PARPBP: variants seen among roughly 807,000 people sequenced by gnomAD.
The protein encoded by PARPBP is PCNA-interacting partner.
A neutral mutation model predicts 50.0 loss-of-function variants in PARPBP; 52 were observed. The observed-to-expected ratio is 1.04, with a 90% confidence interval of 0.83 to 1.31. PARPBP has a LOEUF of 1.31. Ranked by LOEUF, PARPBP falls within the 50% of genes most tolerant of loss-of-function variation. The pLI, the probability that PARPBP is intolerant of heterozygous loss-of-function variation, is 0.00. For missense variants in PARPBP, 697 were observed against 672.0 expected (o/e 1.04, Z -0.41); for synonymous variants, 244 against 232.1 (o/e 1.05, Z -0.47).
At chr12:102,165,981 A>G (rs1594572831) in intron 6 of PARPBP, 98 bp downstream of exon 6, 2 of 770,616 alleles carry the variant, frequency 2.6e-6, no homozygotes, top group Non-Finnish European at 4.2e-6. Context: ...ACCAAGCATC[A>G]GACCAAACGG....
chr12:102,186,559 T>A (rs1890325242), intron 9 of PARPBP, among the ~76,000 whole-genome samples: 1 of 152,190 alleles, frequency 6.6e-6, no homozygotes, highest in Non-Finnish European at 1.5e-5. Flanking sequence ...AATTTCCTTT[T>A]TAATTTATTA....
At chr12:102,127,449 C>T (rs186802368) in intron 2 of PARPBP, among the ~76,000 whole-genome samples, 1 of 151,708 alleles carries the variant, frequency 6.6e-6, no homozygotes, top group East Asian at 1.9e-4. Context: ...AAGAGAGTGC[C>T]ATTTTTTTAT....
intron 1 of PARPBP, among the ~76,000 whole-genome samples, chr12:102,123,540 C>T (rs1881485837): frequency 1.4e-5 from 2 of 147,566 alleles, no homozygotes; most frequent in Non-Finnish European, 3.0e-5. Context: ...TATTACCTAT[C>T]TCAAAACAAA....
chr12:102,194,697 G>A (rs11111201), intron 9 of PARPBP, among the ~76,000 whole-genome samples: 22,420 of 151,666 alleles, frequency 0.15, 1,776 homozygotes, highest in Non-Finnish European at 0.18. Flanking sequence ...AAGTCACTTG[G>A]TCAAATCTTT....
At chr12:102,161,111 G>GT (rs77372368) in intron 4 of PARPBP, among the ~76,000 whole-genome samples, 1 of 151,034 alleles carries the variant, frequency 6.6e-6, no homozygotes, top group Non-Finnish European at 1.5e-5. Flanking sequence ...TCCCAGGTAA[G>GT]TTTTTTTTTC....
intron 2 of PARPBP, among the ~76,000 whole-genome samples, chr12:102,133,036 C>T (rs1337065722): frequency 6.6e-6 from 1 of 151,966 alleles, no homozygotes; most frequent in African/African-American, 2.4e-5. Flanking sequence ...TTTATTCTTA[C>T]AGTTTTTGGT....
At chr12:102,195,248 A>T (rs1198625794) in intron 9 of PARPBP, 64 bp from the exon 10 acceptor site, 3 of 1,041,850 alleles carry the variant, frequency 2.9e-6, no homozygotes, top group Non-Finnish European at 4.2e-6. Flanking sequence ...GTGTGTGTCT[A>T]TCTAGATGAA....
intron 9 of PARPBP, among the ~76,000 whole-genome samples, chr12:102,194,090 G>A (rs1329950712): frequency 6.6e-6 from 1 of 151,952 alleles, no homozygotes; most frequent in Admixed American, 6.6e-5. Flanking sequence ...TTATGAAGCA[G>A]CTGGACAGAC....
chr12:102,174,623 G>A (rs977971931), intron 6 of PARPBP, among the ~76,000 whole-genome samples: 2 of 152,162 alleles, frequency 1.3e-5, no homozygotes, highest in African/African-American at 4.8e-5. Flanking sequence ...TTGGCACTGT[G>A]CTGCCTTTCC....
intron 3 of PARPBP, chr12:102,151,424 G>T (rs917121265): frequency 6.3e-5 from 39 of 618,842 alleles, no homozygotes; most frequent in South Asian, 1.4e-4. Flanking sequence ...CCTTGAGAAA[G>T]CTCATAAAAT....
At position 102,120,303 on chromosome 12, in the gene PARPBP, C is replaced by T. The variant is rs912172029; in HGVS notation, c.-4+17C>T. 5.6e-6 allele frequency: 2 copies of T among 359,300 alleles called. No homozygotes were observed. The highest frequency in any genetic ancestry group is 4.3e-5 in the African/African-American group (2 of 46,918). 22.3% of individuals were successfully genotyped at this position (359,300 alleles called of 1,614,324 possible). A position where few individuals can be genotyped will look rare whatever the true frequency, so the allele number is the denominator to read the frequency against. On this transcript the variant is annotated intron_variant, in intron 1 of 10. Transcript: ENST00000327680. Reference sequence around the variant, plus strand: ...CCTAATCACGTAAGTCTCGCGTCTGCCCTACCTGCCCTGTCGCATTTTTAA... The same window carrying T: ...CCTAATCACGTAAGTCTCGCGTCTGTCCTACCTGCCCTGTCGCATTTTTAA...
intron 2 of PARPBP, among the ~76,000 whole-genome samples, chr12:102,139,769 A>T (rs1044179814): frequency 2.0e-5 from 3 of 152,206 alleles, no homozygotes; most frequent in Non-Finnish European, 4.4e-5. Context: ...GGTTCTGTTT[A>T]TATGATGGAC....
chr12:102,126,912 C>T (rs753063822), intron 2 of PARPBP, among the ~76,000 whole-genome samples: 227 of 152,268 alleles, frequency 1.5e-3, no homozygotes, highest in Non-Finnish European at 2.5e-3. Context: ...CATTTTATCA[C>T]TCTCACATGT....
intron 4 of PARPBP, among the ~76,000 whole-genome samples, chr12:102,160,343 G>A (rs1854936696): frequency 6.6e-6 from 1 of 152,172 alleles, no homozygotes; most frequent in Non-Finnish European, 1.5e-5. Flanking sequence ...TTAAGCCCTG[G>A]TTTTGTACCC....
At chr12:102,124,113 T>A in intron 2 of PARPBP, 72 bp downstream of exon 2, 1 of 1,020,364 alleles carries the variant, frequency 9.8e-7, no homozygotes, top group Non-Finnish European at 1.5e-6. Context: ...TGAATAAACT[T>A]AAGCTTAAGA....
chr12:102,165,317 C>A (rs1408907594), intron 5 of PARPBP, among the ~76,000 whole-genome samples: 1 of 152,144 alleles, frequency 6.6e-6, no homozygotes, highest in Non-Finnish European at 1.5e-5. Flanking sequence ...AATTGCCCAA[C>A]CAATTCACCT....
intron 6 of PARPBP, among the ~76,000 whole-genome samples, chr12:102,166,459 T>C (rs1888151961): frequency 1.3e-5 from 2 of 152,146 alleles, no homozygotes; most frequent in African/African-American, 2.4e-5. Context: ...TCATGGTGGA[T>C]CATTGTCAAT....
chr12:102,152,276 T>A (rs963742647), intron 3 of PARPBP, among the ~76,000 whole-genome samples: 2 of 152,208 alleles, frequency 1.3e-5, no homozygotes, highest in Non-Finnish European at 2.9e-5. Context: ...TAGGATCTTC[T>A]GTTTTAAGAG....
In PARPBP at chr12:102,173,133, G is replaced by A. The variant is rs144097272; in HGVS notation, c.822-2350G>A. The stretch of plus-strand genomic sequence containing the variant: ...AAATAGGTGAAGGAGGAAAGCCAGC[G>A]AGGCAAGTGAAGAAGGGAAGCCAGC... On this transcript the variant is annotated intron_variant, in intron 6 of 10. Transcript: ENST00000327680. Among the ~76,000 whole-genome samples the A allele has an allele frequency of 3.8e-3, 581 of 152,310 alleles. 14 individuals carry two copies. Among genetic ancestry groups the A allele is most frequent in the Admixed American group, 0.036 (544 of 15,302 alleles).
Sources: allele counts gnomAD v4.1 joint callset (sites outside exome capture counted in the v4.1 genomes callset), GRCh38; gene constraint gnomAD v4.1.1; transcripts MANE v1.5; gene names NCBI Gene and HGNC (gene_info 2026-07-23, HGNC 2026-07-21).